Variants in NLGN1 observed in about 807,000 individuals in gnomAD.
NLGN1 encodes neuroligin 1, also known as neuroligin-1.
NLGN1 carries 12 observed loss-of-function variants against 65.5 expected under a neutral mutation model. The ratio of observed to expected loss-of-function variants is 0.18; its 90% CI spans 0.12 to 0.30. The LOEUF (loss-of-function observed/expected upper bound fraction) is 0.30. Among genes scored for constraint, NLGN1 ranks in the 10% least tolerant of loss-of-function variants. The pLI is 1.00. For synonymous variants in NLGN1, 350 were observed against 359.5 expected (o/e 0.97, Z 0.30); for missense variants, 750 against 1,007.1 (o/e 0.74, Z 3.46).
chr3:174,270,639 A>T (rs540931234), intron 4 of NLGN1, among the ~76,000 whole-genome samples: 1 of 151,796 alleles, frequency 6.6e-6, no homozygotes, highest in Admixed American at 6.6e-5. Context: ...GCTTGCTGAA[A>T]GTTTGGAGGT....
chr3:173,701,129 G>GA (rs1767100880), intron 3 of NLGN1, among the ~76,000 whole-genome samples: 1 of 151,694 alleles, frequency 6.6e-6, no homozygotes, highest in Non-Finnish European at 1.5e-5. Flanking sequence ...ACTCCGTCTT[G>GA]AAAAAAAAGT....
At chr3:174,211,802 C>G (rs1232336794) in intron 4 of NLGN1, among the ~76,000 whole-genome samples, 5 of 152,200 alleles carry the variant, frequency 3.3e-5, no homozygotes, top group African/African-American at 9.7e-5. Flanking sequence ...AGTGCACTCA[C>G]AAACCTTGAG....
chr3:174,176,968 TAAAG>T (rs1029811281), intron 4 of NLGN1, among the ~76,000 whole-genome samples: 1 of 152,040 alleles, frequency 6.6e-6, no homozygotes, highest in Non-Finnish European at 1.5e-5. Context: ...ACACATCAAA[TAAAG>T]AGTTACCTGG....
At chr3:174,243,705 G>A (rs1362321166) in intron 4 of NLGN1, among the ~76,000 whole-genome samples, 4 of 152,126 alleles carry the variant, frequency 2.6e-5, no homozygotes, top group Admixed American at 2.0e-4. Context: ...CAGAATACTT[G>A]TTACAGAGAG....
intron 4 of NLGN1, among the ~76,000 whole-genome samples, chr3:173,911,297 TGTAA>T (rs1282254517): frequency 6.6e-6 from 1 of 152,194 alleles, no homozygotes; most frequent in African/African-American, 2.4e-5. Flanking sequence ...GACAGTAATA[TGTAA>T]GTATCTAAGA....
intron 4 of NLGN1, among the ~76,000 whole-genome samples, chr3:174,051,821 T>C (rs1434344301): frequency 1.3e-5 from 2 of 151,950 alleles, no homozygotes; most frequent in African/African-American, 4.8e-5. Context: ...GAAAAGTATA[T>C]CCCTCACAGG....
At chr3:173,844,628 C>T (rs1725401507) in intron 4 of NLGN1, among the ~76,000 whole-genome samples, 1 of 151,890 alleles carries the variant, frequency 6.6e-6, no homozygotes, top group African/African-American at 2.4e-5. Flanking sequence ...CTGGTTTCAT[C>T]TCCTCTGCAT....
intron 3 of NLGN1, among the ~76,000 whole-genome samples, chr3:173,751,435 A>G (rs1776283680): frequency 6.6e-6 from 1 of 152,078 alleles, no homozygotes; most frequent in South Asian, 2.1e-4. Context: ...ACTTCAATCC[A>G]TTTTTATTTG....
intron 4 of NLGN1, among the ~76,000 whole-genome samples, chr3:174,089,786 A>C (rs1289887306): frequency 6.6e-6 from 1 of 152,136 alleles, no homozygotes; most frequent in Non-Finnish European, 1.5e-5. Flanking sequence ...TAAGTTCAAG[A>C]AGTAATTCTC....
At position 173,664,613 on chromosome 3, in the gene NLGN1, C is replaced by G. The variant is rs142648897; in HGVS notation, c.493+59522C>G. ...AAAGGAAGTTTCCATTCATTGAACA[C>G]CCTCTGTGGGTAAAGTACTCTTCTG... On this transcript the variant is annotated intron_variant, in intron 3 of 6. Coordinates refer to ENST00000457714, the Ensembl canonical transcript of NLGN1. Among the ~76,000 whole-genome samples, 40 of 152,238 alleles carry G rather than the reference C, an allele frequency of 2.6e-4. No homozygotes were observed. The East Asian group carries it at 7.3e-3, about 28-fold the overall frequency.
chr3:173,578,867 AATAATGCATCAT>A (rs1470075959), intron 2 of NLGN1, among the ~76,000 whole-genome samples: 1 of 152,234 alleles, frequency 6.6e-6, no homozygotes, highest in Non-Finnish European at 1.5e-5. Context: ...TATTCTGCAA[AATAATGCATCAT>A]GCTATTATTA....
At chr3:173,827,132 G>C (rs535908862) in intron 4 of NLGN1, among the ~76,000 whole-genome samples, 1 of 152,126 alleles carries the variant, frequency 6.6e-6, no homozygotes, top group African/African-American at 2.4e-5. Context: ...GAACGTTCTA[G>C]GAGTAAAGGT....
intron 3 of NLGN1, among the ~76,000 whole-genome samples, chr3:173,762,965 TACAC>T (rs111427276): frequency 0.011 from 1,615 of 143,340 alleles, 26 homozygotes; most frequent in African/African-American, 0.038. Context: ...TTGTCTCTGA[TACAC>T]ACACACACAC....
At chr3:173,709,342 C>T (rs932846325) in intron 3 of NLGN1, among the ~76,000 whole-genome samples, 1 of 152,106 alleles carries the variant, frequency 6.6e-6, no homozygotes, top group Non-Finnish European at 1.5e-5. Flanking sequence ...CCATTATGTG[C>T]TCAGTCCAGA....
chr3:173,402,708 GTCT>G (rs1471337850), intron 1 of NLGN1, among the ~76,000 whole-genome samples: 1 of 152,114 alleles, frequency 6.6e-6, no homozygotes, highest in Non-Finnish European at 1.5e-5. Flanking sequence ...TGAAAAAGCA[GTCT>G]TCTTCTCATG....
chr3:173,664,592 G>A (rs1223291131), intron 3 of NLGN1, among the ~76,000 whole-genome samples: 1 of 152,094 alleles, frequency 6.6e-6, no homozygotes, highest in Non-Finnish European at 1.5e-5. Flanking sequence ...GAAGGGAAAG[G>A]AAGTTTCCAT....
chr3:173,646,040 C>T (rs1383857792), intron 3 of NLGN1, among the ~76,000 whole-genome samples: 1 of 152,148 alleles, frequency 6.6e-6, no homozygotes, highest in East Asian at 1.9e-4. Context: ...ACTCTAGCCG[C>T]TTTTGGCTCT....
chr3:173,534,662 T>C (rs979947729), intron 2 of NLGN1, among the ~76,000 whole-genome samples: 4 of 152,180 alleles, frequency 2.6e-5, no homozygotes, highest in African/African-American at 9.7e-5. Context: ...AATTTCTTTA[T>C]CTCAATTTAA....
chr3:173,700,150 G>A (rs1766907777), intron 3 of NLGN1, among the ~76,000 whole-genome samples: 1 of 152,116 alleles, frequency 6.6e-6, no homozygotes. Flanking sequence ...ACAGGCTCCT[G>A]GGAAATATAC....
Sources: allele counts gnomAD v4.1 joint callset (sites outside exome capture counted in the v4.1 genomes callset), GRCh38; gene constraint gnomAD v4.1.1; transcripts MANE v1.5; gene names NCBI Gene and HGNC (gene_info 2026-07-23, HGNC 2026-07-21).